NTN1: variants seen among roughly 807,000 people sequenced by gnomAD.
NTN1 encodes the protein netrin 1.
NTN1 carries 11 observed loss-of-function variants against 54.2 expected under a neutral mutation model. That is an observed-to-expected ratio of 0.20 (90% confidence interval 0.13 to 0.34). The LOEUF (loss-of-function observed/expected upper bound fraction) is 0.34. NTN1 is among the 10% of genes least tolerant of loss of function. The pLI is 1.00. For missense variants in NTN1, 740 were observed against 893.1 expected (o/e 0.83, Z 2.18); for synonymous variants, 371 against 382.0 (o/e 0.97, Z 0.33).
At position 9,162,836 on chromosome 17, in the gene NTN1, C is replaced by T. The variant is rs375204917; in HGVS notation, c.1042C>T (p.Arg348Trp). 23 of 1,613,360 alleles carry T rather than the reference C, an allele frequency of 1.4e-5. No individual in the cohort carries two copies. The highest frequency in any genetic ancestry group is 4.5e-5 in the East Asian group (2 of 44,840). Residue 348 changes from arginine (R) to tryptophan (W), a missense_variant, in exon 3 of 7, where the codon CGG (arginine) becomes TGG (tryptophan). By Grantham distance (101) the Arg-to-Trp change is moderately radical. Transcript: ENST00000173229. ...CVACNCNLHARRCRFNMELYK... is the reference protein window; with the variant it reads ...CVACNCNLHAWRCRFNMELYK... ...AGCCTGTAACTGCAACCTGCATGCC[C>T]GGCGCTGCCGCTTCAACATGGAGCT...
chr17:9,162,599 G>A (rs559008407), intron 2 of NTN1, among the ~76,000 whole-genome samples: 2 of 152,302 alleles, frequency 1.3e-5, no homozygotes, highest in East Asian at 1.9e-4. Context: ...AAGAATTTTG[G>A]GAGAACCTTA....
intron 6 of NTN1, among the ~76,000 whole-genome samples, chr17:9,234,959 TTTTGG>T (rs1392257129): frequency 3.4e-4 from 30 of 87,608 alleles, no homozygotes; most frequent in African/African-American, 1.8e-3. Context: ...GTTTTTTGTT[TTTTGG>T]TTTTTTTTTT....
At chr17:9,216,428 T>C (rs757664183) in intron 5 of NTN1, among the ~76,000 whole-genome samples, 2 of 152,262 alleles carry the variant, frequency 1.3e-5, no homozygotes, top group African/African-American at 4.8e-5. Context: ...CCATTTGGCA[T>C]GTACACCTAT....
At chr17:9,162,094 T>C (rs923192193) in intron 2 of NTN1, among the ~76,000 whole-genome samples, 1 of 151,774 alleles carries the variant, frequency 6.6e-6, no homozygotes, top group Non-Finnish European at 1.5e-5. Context: ...TAGCTGACAA[T>C]GTGGGGGTCC....
At chr17:9,044,132 T>C (rs1381663877) in intron 2 of NTN1, among the ~76,000 whole-genome samples, 1 of 152,156 alleles carries the variant, frequency 6.6e-6, no homozygotes, top group Non-Finnish European at 1.5e-5. Context: ...TTGATATTCC[T>C]TTTGTTCCTG....
intron 2 of NTN1, among the ~76,000 whole-genome samples, chr17:9,116,956 C>G (rs117174563): frequency 6.6e-6 from 1 of 151,748 alleles, no homozygotes; most frequent in Non-Finnish European, 1.5e-5. Context: ...GATTTGTGGC[C>G]GAGGTACAAG....
intron 3 of NTN1, chr17:9,179,150 T>C (rs894242026): frequency 6.6e-6 from 1 of 152,352 alleles, no homozygotes; most frequent in African/African-American, 2.4e-5. Context: ...CCGTCTTTGT[T>C]TGCACATTTA....
intron 2 of NTN1, among the ~76,000 whole-genome samples, chr17:9,098,988 G>A (rs1041990210): frequency 4.6e-5 from 7 of 151,994 alleles, no homozygotes; most frequent in African/African-American, 1.7e-4. Context: ...GTTTTCCTTT[G>A]TACATGAATT....
intron 2 of NTN1, among the ~76,000 whole-genome samples, chr17:9,031,909 C>T (rs777646202): frequency 1.3e-5 from 2 of 151,708 alleles, no homozygotes; most frequent in Non-Finnish European, 2.9e-5. Context: ...TGCAATGAGT[C>T]GAGATCGTGC....
At chr17:9,197,675 A>G (rs969033782) in intron 5 of NTN1, among the ~76,000 whole-genome samples, 1 of 139,442 alleles carries the variant, frequency 7.2e-6, no homozygotes, top group Non-Finnish European at 1.5e-5. Context: ...AAAAAAAAAG[A>G]AGGAAGAAAA....
chr17:9,182,487 C>T (rs771201824), intron 4 of NTN1, among the ~76,000 whole-genome samples: 6 of 152,318 alleles, frequency 3.9e-5, no homozygotes, highest in Middle Eastern at 3.4e-3. Flanking sequence ...CAGCCCCTTG[C>T]GTGCTATCCT....
At chr17:9,136,671 G>A (rs1254961741) in intron 2 of NTN1, among the ~76,000 whole-genome samples, 2 of 152,204 alleles carry the variant, frequency 1.3e-5, no homozygotes, top group Non-Finnish European at 2.9e-5. Context: ...ATTGTAACAT[G>A]ATACTTTCTC....
chr17:9,199,348 G>A (rs1415727334), intron 5 of NTN1, among the ~76,000 whole-genome samples: 17 of 152,186 alleles, frequency 1.1e-4, no homozygotes, highest in Admixed American at 1.1e-3. Flanking sequence ...CAACATGTTG[G>A]CCAGGCTGGT....
intron 2 of NTN1, among the ~76,000 whole-genome samples, chr17:9,085,642 C>A (rs1388829176): frequency 6.6e-6 from 1 of 152,330 alleles, no homozygotes; most frequent in Admixed American, 6.5e-5. Flanking sequence ...GTGACTTCGT[C>A]TGTGAAGTGG....
chr17:9,080,194 A>G (rs145966464), intron 2 of NTN1, among the ~76,000 whole-genome samples: 8 of 152,364 alleles, frequency 5.3e-5, no homozygotes, highest in African/African-American at 7.2e-5. Flanking sequence ...GAGGTGACCA[A>G]TGACCTTCGT....
intron 2 of NTN1, among the ~76,000 whole-genome samples, chr17:9,055,541 C>T (rs551112317): frequency 2.0e-5 from 3 of 152,216 alleles, no homozygotes; most frequent in Middle Eastern, 3.4e-3. Context: ...GCCAACCCTG[C>T]GGAGACTGGG....
intron 3 of NTN1, among the ~76,000 whole-genome samples, chr17:9,168,323 A>G (rs993341574): frequency 3.3e-5 from 5 of 152,218 alleles, no homozygotes; most frequent in Non-Finnish European, 7.3e-5. Context: ...ACCTGAGGTC[A>G]GGAGTTTGAG....
chr17:9,053,049 C>T (rs150232164), intron 2 of NTN1, among the ~76,000 whole-genome samples: 103 of 152,280 alleles, frequency 6.8e-4, no homozygotes, highest in Middle Eastern at 3.4e-3. Context: ...ACTTGGATGA[C>T]GATGTAATTG....
chr17:9,040,021 G>C (rs189478060), intron 2 of NTN1, among the ~76,000 whole-genome samples: 1 of 152,296 alleles, frequency 6.6e-6, no homozygotes, highest in African/African-American at 2.4e-5. Context: ...GGATTGGCTG[G>C]ATGATACAGT....
Sources: allele counts gnomAD v4.1 joint callset (sites outside exome capture counted in the v4.1 genomes callset), GRCh38; gene constraint gnomAD v4.1.1; transcripts MANE v1.5; gene names NCBI Gene and HGNC (gene_info 2026-07-23, HGNC 2026-07-21).